DNAH9: variants seen among roughly 807,000 people sequenced by gnomAD.
The protein encoded by DNAH9 is dynein axonemal heavy chain 9.
In DNAH9, 345 loss-of-function variants were observed where a neutral mutation model predicts 471.6. The ratio of observed to expected loss-of-function variants is 0.73; its 90% confidence interval spans 0.67 to 0.80. DNAH9 has a LOEUF of 0.80. Among genes scored for constraint, DNAH9 ranks in the 30% least tolerant of loss-of-function variants. DNAH9 has a pLI of 0.00. For synonymous variants in DNAH9, 2,093 were observed against 2,123.6 expected (o/e 0.99, Z 0.40); for missense variants, 5,407 against 5,609.2 (o/e 0.96, Z 1.15).
intron 20 of DNAH9, among the ~76,000 whole-genome samples, chr17:11,691,107 A>G (rs1428698078): frequency 4.6e-5 from 7 of 152,194 alleles, no homozygotes; most frequent in African/African-American, 1.4e-4. Context: ...AATTAGCTTG[A>G]TTCCAAAATG....
intron 52 of DNAH9, among the ~76,000 whole-genome samples, chr17:11,872,985 T>TA (rs1472376574): frequency 6.6e-6 from 1 of 152,330 alleles, no homozygotes; most frequent in East Asian, 1.9e-4. Flanking sequence ...CAACATAAGG[T>TA]AAAAGCTGTA....
Position 11,783,715 on chromosome 17 carries a change from G to A in DNAH9, c.7788G>A (p.Thr2596=), listed in dbSNP as rs773101372. The change falls in exon 40 of 69, where the codon ACG becomes ACA. Residue 2596 remains threonine, a synonymous_variant. Coordinates refer to ENST00000262442, the MANE Select transcript of DNAH9 (RefSeq NM_001372.4). The stretch of plus-strand genomic sequence containing the variant: ...AGTATGTTTCCTGTATGAACCCCAC[G>A]GCAGGCAGCTTCACCATCAACCCCC... ...NVQYVSCMNP[T]AGSFTINPRL... is the part of the protein sequence containing the mutation. The A allele has an allele frequency of 1.3e-5, 21 of 1,613,926 alleles. No individual in the cohort carries two copies. The highest frequency in any genetic ancestry group is 9.9e-5 in the South Asian group (9 of 91,076).
intron 63 of DNAH9, 64 bp downstream of exon 63, chr17:11,930,157 G>T (rs548613412): frequency 4.1e-5 from 57 of 1,384,430 alleles, no homozygotes; most frequent in East Asian, 3.1e-4. Flanking sequence ...GCAAACTGGT[G>T]GGGGGAGAGC....
At position 11,855,141 on chromosome 17, in the gene DNAH9, A is replaced by G. The variant is rs369683894; in HGVS notation, c.9933+713A>G. 7.8e-4 allele frequency among the ~76,000 whole-genome samples: 119 copies of G among 151,842 alleles called. 1 individual carries two copies. Among genetic ancestry groups the G allele is most frequent in the African/African-American group, 2.8e-3 (115 of 41,396 alleles). ...GGTCTTGAACTCCCGGGCTCAAGTG[A>G]TCCTCCCACCTCAGCCTCCCAAAGT... On this transcript the variant is annotated intron_variant, in intron 50 of 68. Coordinates refer to ENST00000262442, the MANE Select transcript of DNAH9 (RefSeq NM_001372.4).
intron 45 of DNAH9, among the ~76,000 whole-genome samples, chr17:11,815,850 C>T (rs1490251153): frequency 6.6e-6 from 1 of 152,200 alleles, no homozygotes; most frequent in Non-Finnish European, 1.5e-5. Flanking sequence ...TAGTTCCCAA[C>T]TGGTTGCAGA....
At chr17:11,953,552 C>G (rs1205135092) in intron 67 of DNAH9, among the ~76,000 whole-genome samples, 4 of 152,106 alleles carry the variant, frequency 2.6e-5, no homozygotes, top group Non-Finnish European at 5.9e-5. Flanking sequence ...TGGCTCATGC[C>G]TGTAATCCCA....
At chr17:11,790,935 T>C (rs189810038) in intron 41 of DNAH9, among the ~76,000 whole-genome samples, 94 of 152,232 alleles carry the variant, frequency 6.2e-4, no homozygotes, top group African/African-American at 2.2e-3. Flanking sequence ...CTCACTGATT[T>C]TTGTGCTATC....
At chr17:11,838,376 G>A (rs1970916493) in intron 49 of DNAH9, among the ~76,000 whole-genome samples, 1 of 152,190 alleles carries the variant, frequency 6.6e-6, no homozygotes, top group Non-Finnish European at 1.5e-5. Context: ...CTATGTGCAT[G>A]TGTTACATTA....
intron 14 of DNAH9, among the ~76,000 whole-genome samples, chr17:11,664,313 T>C (rs2073829300): frequency 6.6e-6 from 1 of 151,876 alleles, no homozygotes; most frequent in Non-Finnish European, 1.5e-5. Context: ...GAGAGAAACA[T>C]TTTTTATTTA....
chr17:11,860,664 C>T (rs933030902), intron 50 of DNAH9, among the ~76,000 whole-genome samples: 41 of 152,064 alleles, frequency 2.7e-4, no homozygotes, highest in African/African-American at 8.7e-4. Context: ...CGGGTTCAAG[C>T]GATTCTCCTG....
Position 11,962,254 on chromosome 17 carries a change from C to A in DNAH9, c.13231C>A (p.Gln4411Lys). ...CATGGAAGGTGCCTGCTGGGACACA[C>A]AGGTAAAGCTTGGAATGAACCAAAG... The part of the protein sequence containing the change: ...LFMEGACWDT[Q>K]AGIITEAKLK... Residue 4411 changes from glutamine (Q) to lysine (K), a missense_variant and splice_region_variant, in exon 68 of 69, where the codon CAG (glutamine) becomes AAG (lysine). Gln to Lys is a moderately conservative substitution (Grantham distance 53, BLOSUM62 1). This residue lies in a region of DNAH9 where 4,636 missense variants were observed against 4,900.3 expected (regional missense o/e 0.95). Coordinates refer to ENST00000262442, the MANE Select transcript of DNAH9 (RefSeq NM_001372.4). This position sits in a 1 kb window ranked among gnomAD's most constrained non-coding sequence, Gnocchi z 4.1. The A allele has an allele frequency of 6.3e-7, 1 of 1,597,790 alleles. No individual in the cohort carries two copies. The highest frequency in any genetic ancestry group is 8.5e-7 in the Non-Finnish European group (1 of 1,172,168).
intron 48 of DNAH9, among the ~76,000 whole-genome samples, chr17:11,830,706 GT>G (rs1427467728): frequency 6.6e-6 from 1 of 152,188 alleles, no homozygotes; most frequent in Non-Finnish European, 1.5e-5. Context: ...ACTGAAGTTG[GT>G]TTAGGCAAAA....
chr17:11,925,112 C>T (rs1422088352), intron 62 of DNAH9: 3 of 441,364 alleles, frequency 6.8e-6, no homozygotes, highest in South Asian at 1.6e-5. Flanking sequence ...TCCATTGCTA[C>T]GTTGACATGG....
intron 36 of DNAH9, among the ~76,000 whole-genome samples, chr17:11,766,968 CAAAAA>C (rs57248598): frequency 1.6e-4 from 22 of 139,648 alleles, no homozygotes; most frequent in African/African-American, 2.2e-4. Flanking sequence ...GACTCTGTCT[CAAAAA>C]AAAAAAAAAA....
chr17:11,680,970 G>A lies in DNAH9; in HGVS notation c.3743+81G>A, dbSNP rs550290185. 5 of 1,312,824 alleles carry A rather than the reference G, an allele frequency of 3.8e-6. No individual in the cohort carries two copies. The East Asian group carries it at 1.3e-4, about 33-fold the overall frequency. The allele number at this position is 1,312,824 out of a possible 1,614,324, so 81.3% of individuals were successfully genotyped here. A position where few individuals can be genotyped will look rare whatever the true frequency, so the allele number is the denominator to read the frequency against. ...TGGATAATCTTTTTGTGGGGCGTGT[G>A]TATTCTTCCAGCAGCTGCAGACCAG... On this transcript the variant is annotated intron_variant, in intron 19 of 68. Transcript: ENST00000262442.
rs1973460671 is a variant in DNAH9, at chr17:11,902,898, G to A, written c.11586G>A (p.Met3862Ile). The part of the protein sequence containing the change: ...CMLRAMRPDR[M>I]TYALRDFVEE... ...TGAGAGCCATGCGGCCCGACCGGAT[G>A]ACCTATGCTTTGCGGTAGGAAACAG... The change falls in exon 60 of 69, where the codon ATG becomes ATA. Residue 3862 changes from methionine (M) to isoleucine (I), a missense_variant. This residue lies in a region of DNAH9 where 4,636 missense variants were observed against 4,900.3 expected (regional missense o/e 0.95). Coordinates refer to ENST00000262442, the MANE Select transcript of DNAH9 (RefSeq NM_001372.4). 6.2e-7 allele frequency: 1 copy of A among 1,613,068 alleles called. No individual in the cohort carries two copies. The highest frequency in any genetic ancestry group is 8.5e-7 in the Non-Finnish European group (1 of 1,179,728).
chr17:11,668,215 A>T (rs902353150), intron 15 of DNAH9, among the ~76,000 whole-genome samples: 5 of 152,316 alleles, frequency 3.3e-5, no homozygotes, highest in Admixed American at 2.0e-4. Flanking sequence ...TTAGAAAAGG[A>T]TAAGGAGCAG....
chr17:11,604,573 GCAAA>G (rs936228293), intron 1 of DNAH9, among the ~76,000 whole-genome samples: 1 of 152,046 alleles, frequency 6.6e-6, no homozygotes, highest in African/African-American at 2.4e-5. Flanking sequence ...TTTAACATGT[GCAAA>G]CAAAAGCTCC....
chr17:11,741,421 GT>G (rs2150834932), intron 29 of DNAH9, among the ~76,000 whole-genome samples: 1 of 152,236 alleles, frequency 6.6e-6, no homozygotes. Context: ...GCTATCGAAA[GT>G]AATGGCACAA....
Sources: allele counts gnomAD v4.1 joint callset (sites outside exome capture counted in the v4.1 genomes callset), GRCh38; gene constraint gnomAD v4.1.1; regional missense constraint gnomAD v4.1.1; non-coding constraint Gnocchi (gnomAD v3.1); transcripts MANE v1.5; gene names NCBI Gene and HGNC (gene_info 2026-07-23, HGNC 2026-07-21).